The following PGCKA1 variants were observed in gnomAD, a reference collection of about 807,000 sequenced individuals.
PGCKA1 encodes PDCD10 and GCKIII kinases associated 1, also known as PDCD10 and GCKIII kinases-associated protein 1.
At chr4:37,483,055 C>T in the PGCKA1 span, among the ~76,000 whole-genome samples, 9 of 152,110 alleles carry the variant, frequency 5.9e-5, no homozygotes, top group Non-Finnish European at 1.2e-4. Flanking sequence ...ATGGGAGGGG[C>T]CCAGTGGGAG....
At chr4:37,589,295 A>G in the PGCKA1 span, among the ~76,000 whole-genome samples, 1 of 152,218 alleles carries the variant, frequency 6.6e-6, no homozygotes, top group Non-Finnish European at 1.5e-5. Context: ...GTAACTGATG[A>G]TCTTGCTTTC....
the PGCKA1 span, among the ~76,000 whole-genome samples, chr4:37,592,208 CA>C: frequency 0.32 from 30,075 of 92,960 alleles, 3,419 homozygotes; most frequent in Middle Eastern, 0.41. Context: ...GACTCCATCT[CA>C]AAAAAAAAAA....
chr4:37,456,174 G>A, the PGCKA1 span, among the ~76,000 whole-genome samples: 1 of 149,184 alleles, frequency 6.7e-6, no homozygotes, highest in Admixed American at 6.7e-5. Flanking sequence ...AGGGGAAGCC[G>A]ACTTGGAGTC....
At chr4:37,548,427 T>C in the PGCKA1 span, among the ~76,000 whole-genome samples, 8 of 152,294 alleles carry the variant, frequency 5.3e-5, no homozygotes, top group Middle Eastern at 3.4e-3. Context: ...ATAAACATAT[T>C]AGCTAAAGTT....
At chr4:37,582,352 G>A in the PGCKA1 span, among the ~76,000 whole-genome samples, 541 of 152,236 alleles carry the variant, frequency 3.6e-3, 10 homozygotes, top group Admixed American at 0.031. Context: ...ATCTTGTTCT[G>A]CCCTTCCCCA....
At chr4:37,581,233 A>G in the PGCKA1 span, among the ~76,000 whole-genome samples, 1 of 152,102 alleles carries the variant, frequency 6.6e-6, no homozygotes, top group Non-Finnish European at 1.5e-5. The surrounding 1 kb of genome is among the most constrained non-coding windows in gnomAD (Gnocchi z 4.4). Flanking sequence ...GCTCTACCCC[A>G]CTGTGGCTGA....
At chr4:37,576,099 C>A in the PGCKA1 span, among the ~76,000 whole-genome samples, 1 of 151,990 alleles carries the variant, frequency 6.6e-6, no homozygotes, top group Non-Finnish European at 1.5e-5. Flanking sequence ...GTTCCACATA[C>A]ATTTTAGAAT....
the PGCKA1 span, among the ~76,000 whole-genome samples, chr4:37,530,531 G>A: frequency 6.2e-3 from 827 of 132,810 alleles, 10 homozygotes; most frequent in South Asian, 6.1e-3. Flanking sequence ...CTGAGATCAT[G>A]CCCCTGCACT....
chr4:37,549,827 A>C, the PGCKA1 span, among the ~76,000 whole-genome samples: 1 of 152,042 alleles, frequency 6.6e-6, no homozygotes. Context: ...ACCCCTGCAA[A>C]GTGACTCTGA....
At chr4:37,529,089 A>T in the PGCKA1 span, among the ~76,000 whole-genome samples, 1 of 152,018 alleles carries the variant, frequency 6.6e-6, no homozygotes, top group East Asian at 1.9e-4. Flanking sequence ...TCCAGCCAGA[A>T]ATCTAGCTTT....
the PGCKA1 span, among the ~76,000 whole-genome samples, chr4:37,539,570 C>T: frequency 6.6e-6 from 1 of 152,192 alleles, no homozygotes; most frequent in South Asian, 2.1e-4. Flanking sequence ...AGGAGAATGG[C>T]TTGAACCTGG....
At chr4:37,456,545 A>G in the PGCKA1 span, among the ~76,000 whole-genome samples, 2 of 152,246 alleles carry the variant, frequency 1.3e-5, no homozygotes, top group Non-Finnish European at 2.9e-5. Context: ...GACAAAAGGA[A>G]TATTGTATCT....
At chr4:37,530,575 A>T in the PGCKA1 span, among the ~76,000 whole-genome samples, 1 of 5,442 alleles carries the variant, frequency 1.8e-4, no homozygotes, top group Non-Finnish European at 5.6e-4. Flanking sequence ...CTATGTCTCA[A>T]AAAAAAAAAA....
chr4:37,523,781 G>A, the PGCKA1 span, among the ~76,000 whole-genome samples: 1 of 152,156 alleles, frequency 6.6e-6, no homozygotes, highest in Non-Finnish European at 1.5e-5. Context: ...TCTGGAGGCT[G>A]AAATCCAAGA....
chr4:37,569,830 A>G, the PGCKA1 span, among the ~76,000 whole-genome samples: 1 of 152,148 alleles, frequency 6.6e-6, no homozygotes, highest in African/African-American at 2.4e-5. Flanking sequence ...TTTTCCAGGG[A>G]GAAAACCCAT....
chr4:37,487,458 C>G, the PGCKA1 span, among the ~76,000 whole-genome samples: 1 of 152,140 alleles, frequency 6.6e-6, no homozygotes, highest in African/African-American at 2.4e-5. Flanking sequence ...ATTGCATTAA[C>G]TGTAAGTTTT....
At chr4:37,592,685 C>T in the PGCKA1 span, among the ~76,000 whole-genome samples, 140 of 151,926 alleles carry the variant, frequency 9.2e-4, 2 homozygotes, top group East Asian at 0.025. Context: ...ATTTGATTTC[C>T]AGCTTTGCCA....
At chr4:37,458,333 T>C in the PGCKA1 span, among the ~76,000 whole-genome samples, 2 of 152,202 alleles carry the variant, frequency 1.3e-5, no homozygotes, top group Admixed American at 1.3e-4. Flanking sequence ...AGCCACTGTT[T>C]ATTGAGAAAT....
chr4:37,515,924 A>G, the PGCKA1 span, among the ~76,000 whole-genome samples: 2 of 152,236 alleles, frequency 1.3e-5, no homozygotes, highest in Non-Finnish European at 2.9e-5. Flanking sequence ...AACATACATC[A>G]TTGCTTAGGC....
Sources: allele counts gnomAD v4.1 joint callset (sites outside exome capture counted in the v4.1 genomes callset), GRCh38; gene constraint gnomAD v4.1.1; non-coding constraint Gnocchi (gnomAD v3.1); transcripts MANE v1.5; gene names NCBI Gene and HGNC (gene_info 2026-07-23, HGNC 2026-07-21).